The following PTPRN2 variants were observed in gnomAD, a reference collection of about 807,000 sequenced individuals.
PTPRN2 encodes protein tyrosine phosphatase receptor type N2, also known as receptor-type tyrosine-protein phosphatase N2.
PTPRN2 carries 74 observed loss-of-function variants against 118.8 expected under a neutral mutation model. That is an observed-to-expected ratio of 0.62 (90% confidence interval 0.52 to 0.76). The LOEUF is 0.76. PTPRN2 is among the 30% of genes least tolerant of loss of function. The pLI is 0.00. For missense variants in PTPRN2, 1,481 were observed against 1,394.4 expected, an observed-to-expected ratio of 1.06 and a Z score of -0.99; for synonymous variants, 641 against 608.0, an observed-to-expected ratio of 1.05 and a Z score of -0.80.
chr7:157,579,044 C>CAA (rs11433219), intron 17 of PTPRN2, among the ~76,000 whole-genome samples: 1 of 152,236 alleles, frequency 6.6e-6, no homozygotes, highest in South Asian at 2.1e-4. Flanking sequence ...AAAACAGACA[C>CAA]AAAATCCAAT....
chr7:157,542,492 A>T (rs546162916), intron 22 of PTPRN2, among the ~76,000 whole-genome samples: 1 of 150,662 alleles, frequency 6.6e-6, no homozygotes, highest in East Asian at 1.9e-4. Flanking sequence ...GAGGCTGGAA[A>T]GCGCTCCACC....
intron 3 of PTPRN2, among the ~76,000 whole-genome samples, chr7:158,311,442 T>A (rs544869444): frequency 6.6e-6 from 1 of 152,202 alleles, no homozygotes; most frequent in South Asian, 2.1e-4. Context: ...TAATGGCTTG[T>A]CAGAAAAAGT....
At chr7:157,713,335 C>T (rs1477345856) in intron 12 of PTPRN2, among the ~76,000 whole-genome samples, 5 of 152,178 alleles carry the variant, frequency 3.3e-5, no homozygotes, top group Non-Finnish European at 5.9e-5. Context: ...CCCCACGGCA[C>T]GTTTCTAGAG....
At chr7:157,686,617 CATCTT>C (rs1797209253) in intron 12 of PTPRN2, among the ~76,000 whole-genome samples, 1 of 152,210 alleles carries the variant, frequency 6.6e-6, no homozygotes, top group Non-Finnish European at 1.5e-5. Context: ...TAATTAGAGG[CATCTT>C]ATCAGTCTTG....
At chr7:158,430,056 C>T (rs979021399) in intron 2 of PTPRN2, among the ~76,000 whole-genome samples, 19 of 152,034 alleles carry the variant, frequency 1.2e-4, no homozygotes, top group African/African-American at 3.1e-4. Flanking sequence ...TACAGGTGCA[C>T]GCTACCACGC....
Position 158,110,928 on chromosome 7 carries a change from G to A in PTPRN2, c.1557-13C>T, listed in dbSNP as rs1428573739. ...GGGGCGCAGGGGGCTGCGGATGACA[G>A]CAGGGATGGGGAGCAGTCACCACAG... On this transcript the variant is annotated splice_polypyrimidine_tract_variant and intron_variant, in intron 9 of 22. Coordinates refer to ENST00000389418, the MANE Select transcript of PTPRN2 (RefSeq NM_002847.5). The A allele has an allele frequency of 7.1e-6, 11 of 1,548,926 alleles. No homozygotes were observed. The highest frequency in any genetic ancestry group is 7.8e-6 in the Non-Finnish European group (9 of 1,149,524).
chr7:158,034,494 G>C (rs182555388), intron 11 of PTPRN2, among the ~76,000 whole-genome samples: 1 of 152,188 alleles, frequency 6.6e-6, no homozygotes, highest in Non-Finnish European at 1.5e-5. Context: ...CCTGCACTTT[G>C]CCTGCTGCCA....
At chr7:158,233,665 C>T (rs184469956) in intron 3 of PTPRN2, among the ~76,000 whole-genome samples, 185 of 151,794 alleles carry the variant, frequency 1.2e-3, no homozygotes, top group Middle Eastern at 3.4e-3. Context: ...ATACCCAAAG[C>T]AATCCTGAGC....
At chr7:158,336,887 C>T (rs1257327169) in intron 2 of PTPRN2, among the ~76,000 whole-genome samples, 9 of 104,642 alleles carry the variant, frequency 8.6e-5, no homozygotes, top group African/African-American at 2.3e-4. Flanking sequence ...AGGTCACTCA[C>T]ACCCACACTC....
intron 2 of PTPRN2, among the ~76,000 whole-genome samples, chr7:158,434,315 C>T (rs1035315901): frequency 1.3e-5 from 2 of 152,148 alleles, no homozygotes; most frequent in African/African-American, 4.8e-5. Context: ...TTATTCTCTC[C>T]GGTAATTATC....
At chr7:157,896,927 C>T (rs759607126) in intron 12 of PTPRN2, among the ~76,000 whole-genome samples, 21 of 152,100 alleles carry the variant, frequency 1.4e-4, no homozygotes, top group African/African-American at 5.1e-4. Context: ...TCCCATTCCC[C>T]GTCCCCCACC....
chr7:158,461,814 C>T (rs75100235), intron 2 of PTPRN2, among the ~76,000 whole-genome samples: 1,898 of 152,294 alleles, frequency 0.012, 34 homozygotes, highest in African/African-American at 0.043. Flanking sequence ...CTGTAACAAA[C>T]GTGCTTTCAA....
chr7:158,341,039 T>A (rs144011961), intron 2 of PTPRN2, among the ~76,000 whole-genome samples: 15 of 24,828 alleles, frequency 6.0e-4, no homozygotes, highest in South Asian at 2.6e-3. Context: ...ACACTCACCA[T>A]GAGGTGACAC....
chr7:158,249,478 ACCTGCACACACACAC>A (rs1796520249), intron 3 of PTPRN2, among the ~76,000 whole-genome samples: 1 of 145,962 alleles, frequency 6.9e-6, no homozygotes, highest in African/African-American at 2.6e-5. Flanking sequence ...TATCTACCAC[ACCTGCACACACACAC>A]CCTGCATGCA....
intron 21 of PTPRN2, among the ~76,000 whole-genome samples, chr7:157,554,356 C>T (rs866349128): frequency 8.6e-6 from 1 of 116,794 alleles, no homozygotes; most frequent in Non-Finnish European, 1.7e-5. Flanking sequence ...GCGGCCAGGC[C>T]GGGCGCTGGA....
chr7:158,379,862 G>A (rs188992042), intron 2 of PTPRN2, among the ~76,000 whole-genome samples: 17 of 152,300 alleles, frequency 1.1e-4, no homozygotes, highest in African/African-American at 2.4e-4. Context: ...CATGGCTGGG[G>A]GGGCCTCACA....
intron 12 of PTPRN2, among the ~76,000 whole-genome samples, chr7:157,829,985 A>G (rs774281150): frequency 1.5e-4 from 23 of 152,072 alleles, no homozygotes; most frequent in Non-Finnish European, 3.1e-4. Context: ...TTCCAAAGAC[A>G]TTGTGTCCTG....
At chr7:158,178,589 CTTTTTTT>C (rs56710690) in intron 5 of PTPRN2, among the ~76,000 whole-genome samples, 2 of 67,390 alleles carry the variant, frequency 3.0e-5, no homozygotes, top group Non-Finnish European at 5.5e-5. Flanking sequence ...CATTTTCTTT[CTTTTTTT>C]TTTTTTTTTT....
chr7:157,807,233 C>T (rs1037327413), intron 12 of PTPRN2, among the ~76,000 whole-genome samples: 13 of 152,218 alleles, frequency 8.5e-5, no homozygotes, highest in African/African-American at 3.1e-4. Context: ...GTGCCCAGCC[C>T]TTTCCGTGCC....
Sources: allele counts gnomAD v4.1 joint callset (sites outside exome capture counted in the v4.1 genomes callset), GRCh38; gene constraint gnomAD v4.1.1; transcripts MANE v1.5; gene names NCBI Gene and HGNC (gene_info 2026-07-23, HGNC 2026-07-21).